PDE1C: variants seen among roughly 807,000 people sequenced by gnomAD.
PDE1C encodes dual specificity calcium/calmodulin-dependent 3',5'-cyclic nucleotide phosphodiesterase 1C.
Under a neutral mutation model 93.1 loss-of-function variants are expected in PDE1C, and 62 were observed. The ratio of observed to expected loss-of-function variants is 0.67; its 90% CI spans 0.54 to 0.82. PDE1C has a LOEUF of 0.82. Among genes scored for constraint, PDE1C ranks in the 40% least tolerant of loss-of-function variants. The pLI, the probability that PDE1C is intolerant of heterozygous loss-of-function variation, is 0.00. For synonymous variants in PDE1C, 325 were observed against 310.1 expected, an observed-to-expected ratio of 1.05 and a Z score of -0.50; for missense variants, 742 against 884.6, an observed-to-expected ratio of 0.84 and a Z score of 2.04.
At chr7:31,862,082 A>G (rs185398435) in intron 7 of PDE1C, among the ~76,000 whole-genome samples, 260 of 152,224 alleles carry the variant, frequency 1.7e-3, no homozygotes, top group African/African-American at 5.9e-3. Flanking sequence ...CTGTGGTCAC[A>G]CTCTTCTTTC....
At chr7:32,036,213 C>T (rs1791065787) in intron 2 of PDE1C, among the ~76,000 whole-genome samples, 1 of 152,200 alleles carries the variant, frequency 6.6e-6, no homozygotes, top group African/African-American at 2.4e-5. Context: ...GCCATCTAAA[C>T]TACCAGGTCA....
At chr7:31,960,066 A>G (rs1489019794) in intron 2 of PDE1C, among the ~76,000 whole-genome samples, 2 of 151,192 alleles carry the variant, frequency 1.3e-5, no homozygotes, top group African/African-American at 4.9e-5. Flanking sequence ...GACAAACCCC[A>G]TCTTTGCCAT....
intron 2 of PDE1C, among the ~76,000 whole-genome samples, chr7:31,930,413 G>C (rs1563052994): frequency 6.6e-6 from 1 of 152,088 alleles, no homozygotes; most frequent in Non-Finnish European, 1.5e-5. Flanking sequence ...ATTTTATAAG[G>C]CCAGCATCAT....
chr7:32,280,046 C>G (rs866297927), intron 1 of PDE1C, among the ~76,000 whole-genome samples: 1 of 152,150 alleles, frequency 6.6e-6, no homozygotes, highest in South Asian at 2.1e-4. Context: ...CATGTGCACA[C>G]ACACCCAATA....
chr7:32,000,993 C>CGTGTGTGTGTGTGT (rs34671338), intron 2 of PDE1C, among the ~76,000 whole-genome samples: 14 of 149,166 alleles, frequency 9.4e-5, no homozygotes, highest in African/African-American at 3.4e-4. Context: ...TGTGTGTATA[C>CGTGTGTGTGTGTGT]GTGTGTGTGT....
Position 31,854,305 on chromosome 7 carries a change from TCA to T in PDE1C, c.751-3566_751-3565del, listed in dbSNP as rs752928221. The stretch of plus-strand genomic sequence containing the variant: ...ATTGAACTTCCTATTTTAATATACC[TCA>T]GATTTCCTTGCCTCTTCCAAATTAA... On this transcript the variant is annotated intron_variant, in intron 7 of 17. Coordinates refer to ENST00000396191, the MANE Select transcript of PDE1C (RefSeq NM_001191057.4). Among the ~76,000 whole-genome samples, 2 of 152,228 alleles carry T rather than the reference TCA, an allele frequency of 1.3e-5. 1 individual carries two copies.
At chr7:31,926,167 G>A (rs1803353467) in intron 2 of PDE1C, among the ~76,000 whole-genome samples, 1 of 151,818 alleles carries the variant, frequency 6.6e-6, no homozygotes. Flanking sequence ...ATACACACAC[G>A]CATATTGCCT....
chr7:32,063,240 G>A (rs1044439230), intron 1 of PDE1C, among the ~76,000 whole-genome samples: 7 of 152,142 alleles, frequency 4.6e-5, no homozygotes, highest in South Asian at 2.1e-4. Context: ...AAAGTAATGC[G>A]GTTTTTGCCG....
At chr7:32,153,120 G>A (rs745640984) in intron 3 of PDE1C, among the ~76,000 whole-genome samples, 2 of 152,198 alleles carry the variant, frequency 1.3e-5, no homozygotes, top group Non-Finnish European at 2.9e-5. Context: ...AATAGCCAGT[G>A]CCCAGCAGGC....
At chr7:32,367,394 A>C (rs1327110801) in intron 1 of PDE1C, among the ~76,000 whole-genome samples, 1 of 152,220 alleles carries the variant, frequency 6.6e-6, no homozygotes, top group African/African-American at 2.4e-5. Context: ...AAATGATGAG[A>C]GTAAGTTCTC....
intron 17 of PDE1C, among the ~76,000 whole-genome samples, chr7:31,763,654 C>T (rs1794965601): frequency 6.6e-6 from 1 of 152,180 alleles, no homozygotes; most frequent in South Asian, 2.1e-4. Context: ...ATATGCAGTA[C>T]CCATGTGCCA....
the PDE1C span, among the ~76,000 whole-genome samples, chr7:31,650,009 T>C: frequency 6.6e-6 from 1 of 152,022 alleles, no homozygotes; most frequent in Non-Finnish European, 1.5e-5. Context: ...CACAAAGAAT[T>C]GGTCCATGTC....
the PDE1C span, among the ~76,000 whole-genome samples, chr7:31,720,390 C>A: frequency 6.6e-6 from 1 of 152,294 alleles, no homozygotes; most frequent in African/African-American, 2.4e-5. Context: ...CTCCGAGCTT[C>A]CCTTCCACTG....
At chr7:31,958,593 T>C (rs1236760734) in intron 2 of PDE1C, among the ~76,000 whole-genome samples, 2 of 152,222 alleles carry the variant, frequency 1.3e-5, no homozygotes, top group Non-Finnish European at 2.9e-5. Context: ...ACAGTAGTCA[T>C]TCAATAAATG....
At chr7:31,702,736 T>G in the PDE1C span, among the ~76,000 whole-genome samples, 1 of 152,240 alleles carries the variant, frequency 6.6e-6, no homozygotes, top group East Asian at 1.9e-4. Context: ...CTTATGTTTC[T>G]GGTATTGATC....
chr7:31,929,927 G>T (rs183128436), intron 2 of PDE1C, among the ~76,000 whole-genome samples: 1 of 152,096 alleles, frequency 6.6e-6, no homozygotes, highest in Non-Finnish European at 1.5e-5. Flanking sequence ...GATCAGAGCA[G>T]AACTGAAGGA....
At chr7:32,211,475 C>T (rs1474943353) in intron 1 of PDE1C, among the ~76,000 whole-genome samples, 2 of 151,914 alleles carry the variant, frequency 1.3e-5, no homozygotes, top group Non-Finnish European at 2.9e-5. Context: ...ACTGCATATC[C>T]TCACATCAGG....
At chr7:32,086,463 C>A (rs1035853861) in intron 3 of PDE1C, among the ~76,000 whole-genome samples, 12 of 152,194 alleles carry the variant, frequency 7.9e-5, no homozygotes, top group African/African-American at 2.7e-4. Flanking sequence ...CCATCCTCAT[C>A]AAGCTACCAA....
At chr7:31,730,754 C>T in the PDE1C span, among the ~76,000 whole-genome samples, 1 of 151,884 alleles carries the variant, frequency 6.6e-6, no homozygotes, top group East Asian at 1.9e-4. Context: ...GCAACCATGG[C>T]TATGCATCGG....
Sources: gnomAD v4.1 joint callset for allele counts (sites outside exome capture counted in the v4.1 genomes callset) on GRCh38, gnomAD v4.1.1 for gene constraint, MANE v1.5 for transcripts, NCBI Gene and HGNC (gene_info 2026-07-23, HGNC 2026-07-21) for gene names.